PRR14L: variants seen among roughly 807,000 people sequenced by gnomAD.
PRR14L encodes the protein proline rich 14 like, also known as protein PRR14L.
A neutral mutation model predicts 155.0 loss-of-function variants in PRR14L; 80 were observed. The ratio of observed to expected loss-of-function variants is 0.52; its 90% CI spans 0.43 to 0.62. The LOEUF is 0.62. Among genes scored for constraint, PRR14L ranks in the 20% least tolerant of loss-of-function variants. The pLI is 0.00. For missense variants in PRR14L, 2,469 were observed against 2,548.0 expected (o/e 0.97, Z 0.67); for synonymous variants, 883 against 916.0 (o/e 0.96, Z 0.65).
chr22:31,738,268 A>T (rs2074793258), intron 2 of PRR14L, 119 bp downstream of exon 2: 1 of 874,164 alleles, frequency 1.1e-6, no homozygotes, highest in South Asian at 1.8e-5. Flanking sequence ...TAACTTCAAA[A>T]TCGACATTTC....
At chr22:31,695,480 C>T (rs1170316412) in intron 7 of PRR14L, among the ~76,000 whole-genome samples, 1 of 152,154 alleles carries the variant, frequency 6.6e-6, no homozygotes, top group Non-Finnish European at 1.5e-5. Context: ...CATGTAGTCC[C>T]TCAGTGACTT....
chr22:31,693,971 C>T (rs147211832), intron 7 of PRR14L, among the ~76,000 whole-genome samples: 2 of 152,238 alleles, frequency 1.3e-5, no homozygotes, highest in African/African-American at 4.8e-5. Flanking sequence ...ACTTGTATTT[C>T]TTTAACATAT....
At position 31,738,886 on chromosome 22, in the gene PRR14L, A is replaced by C; in HGVS notation, c.-26T>G. On this transcript the variant is annotated 5_prime_UTR_variant, in exon 2 of 9. Coordinates refer to ENST00000327423, the MANE Select transcript of PRR14L (RefSeq NM_173566.3). ...TAGGACAGATGCAGATTATGGAGTCAAGTCTTTTACATCAAATGATTCACC... is the reference window on the plus strand; with the variant it reads ...TAGGACAGATGCAGATTATGGAGTCCAGTCTTTTACATCAAATGATTCACC... The C allele has an allele frequency of 2.1e-6, 3 of 1,421,970 alleles. No individual in the cohort carries two copies. Among genetic ancestry groups the C allele is most frequent in the Non-Finnish European group, 2.9e-6 (3 of 1,050,530 alleles). The allele number at this position is 1,421,970 out of a possible 1,614,324, so 88.1% of individuals were successfully genotyped here.
intron 4 of PRR14L, among the ~76,000 whole-genome samples, chr22:31,709,710 T>G (rs564563409): frequency 1.5e-4 from 22 of 150,252 alleles, no homozygotes; most frequent in African/African-American, 4.7e-4. Context: ...CCAGCTAATT[T>G]TTGTATTTTT....
intron 5 of PRR14L, among the ~76,000 whole-genome samples, chr22:31,703,955 G>A (rs1056083075): frequency 2.0e-5 from 3 of 151,974 alleles, no homozygotes; most frequent in Non-Finnish European, 4.4e-5. Flanking sequence ...GCGCCACCAC[G>A]CCCAGCTAAT....
chr22:31,685,450 C>CAAAAA lies in PRR14L; in HGVS notation c.*72_*76dup. ...TTAGGCAACCTTTTCCAAGGAGGTC[C>CAAAAA]AAAAAAAAAAAAAAAACCCAAAAAC... is the stretch of plus-strand genomic sequence containing the variant. On this transcript the variant is annotated 3_prime_UTR_variant, in exon 9 of 9. Coordinates refer to ENST00000327423, the MANE Select transcript of PRR14L (RefSeq NM_173566.3). 2 of 1,105,838 alleles carry CAAAAA rather than the reference C, an allele frequency of 1.8e-6. No homozygotes were observed. The highest frequency in any genetic ancestry group is 2.5e-6 in the Non-Finnish European group (2 of 816,324). The allele number at this position is 1,105,838 out of a possible 1,614,324, so 68.5% of individuals were successfully genotyped here.
intron 1 of PRR14L, among the ~76,000 whole-genome samples, chr22:31,739,749 A>C (rs1433676682): frequency 6.6e-6 from 1 of 152,170 alleles, no homozygotes. Context: ...CTGTGTTCGT[A>C]ATGTTTCATT....
At chr22:31,734,080 C>A (rs1207578475) in intron 2 of PRR14L, among the ~76,000 whole-genome samples, 1 of 152,166 alleles carries the variant, frequency 6.6e-6, no homozygotes, top group Non-Finnish European at 1.5e-5. Flanking sequence ...TCAAGCAATT[C>A]TCCTGCCTCA....
Position 31,683,555 on chromosome 22 carries a change from T to C in PRR14L, c.*1972A>G, listed in dbSNP as rs1325042930. Reference sequence around the variant, plus strand: ...CAGTCTGGGCAAAGTGGATGTAGAATGACAGAATCTGGTTAGCATCATTCA... The same window carrying C: ...CAGTCTGGGCAAAGTGGATGTAGAACGACAGAATCTGGTTAGCATCATTCA... On this transcript the variant is annotated 3_prime_UTR_variant, in exon 9 of 9. Coordinates refer to ENST00000327423, the MANE Select transcript of PRR14L (RefSeq NM_173566.3). The C allele has an allele frequency of 8.5e-5, 13 of 152,284 alleles. No individual in the cohort carries two copies. The highest frequency in any genetic ancestry group is 1.8e-4 in the Non-Finnish European group (12 of 68,094). The allele number at this position is 152,284 out of a possible 1,614,324, so 9.4% of individuals were successfully genotyped here. A position where few individuals can be genotyped will look rare whatever the true frequency, so the allele number is the denominator to read the frequency against.
At position 31,682,520 on chromosome 22, in the gene PRR14L, A is replaced by C. The variant is rs1469496848; in HGVS notation, c.*3007T>G. The C allele has an allele frequency of 6.6e-6, 1 of 151,868 alleles. No homozygotes were observed. Among genetic ancestry groups the C allele is most frequent in the Non-Finnish European group, 1.5e-5 (1 of 68,024 alleles). The allele number at this position is 151,868 out of a possible 1,614,324, so 9.4% of individuals were successfully genotyped here. The stretch of plus-strand genomic sequence containing the variant: ...AACTCATGGAGACATGAAGCTGGAA[A>C]GGAGACCAAAAGCAAAAAAAGAGGA... On this transcript the variant is annotated 3_prime_UTR_variant, in exon 9 of 9. Coordinates refer to ENST00000327423, the MANE Select transcript of PRR14L (RefSeq NM_173566.3).
Position 31,713,234 on chromosome 22 carries a change from G to A in PRR14L, c.4605C>T (p.Ile1535=). 1 of 1,551,996 alleles carries A rather than the reference G, an allele frequency of 6.4e-7. No individual in the cohort carries two copies. The highest frequency in any genetic ancestry group is 8.7e-7 in the Non-Finnish European group (1 of 1,147,060). ...TTTTACCTATTTTTCTCCCAACAAT[G>A]ATTTGCTCCTGATAGGAAACTTTCT... ...TCKKVSYQEQ[I]IVGRKIGKIR... Residue 1535 remains isoleucine (I), a synonymous_variant, in exon 4 of 9, where the codon ATC becomes ATT. Coordinates refer to ENST00000327423, the MANE Select transcript of PRR14L (RefSeq NM_173566.3).
intron 7 of PRR14L, among the ~76,000 whole-genome samples, chr22:31,697,400 G>A (rs528266767): frequency 1.3e-5 from 2 of 151,460 alleles, no homozygotes; most frequent in East Asian, 1.9e-4. Flanking sequence ...ACTTTGCCTC[G>A]TTCACCTTGA....
At chr22:31,688,445 T>G (rs1390453593) in intron 7 of PRR14L, among the ~76,000 whole-genome samples, 1 of 152,014 alleles carries the variant, frequency 6.6e-6, no homozygotes, top group Non-Finnish European at 1.5e-5. Flanking sequence ...AAATTAGGCA[T>G]GAGCTACTGT....
At chr22:31,725,231 C>A (rs2074710126) in intron 3 of PRR14L, among the ~76,000 whole-genome samples, 2 of 151,804 alleles carry the variant, frequency 1.3e-5, no homozygotes, top group Non-Finnish European at 2.9e-5. Flanking sequence ...CTTGCCTCTA[C>A]AAAATACAAA....
At position 31,712,475 on chromosome 22, in the gene PRR14L, G is replaced by A. The variant is rs1372836459; in HGVS notation, c.5364C>T (p.Thr1788=). The A allele has an allele frequency of 6.4e-6, 10 of 1,552,982 alleles. No homozygotes were observed. Among genetic ancestry groups the A allele is most frequent in the Non-Finnish European group, 8.7e-6 (10 of 1,147,554 alleles). Residue 1788 remains threonine, a synonymous_variant, in exon 4 of 9, where the codon ACC becomes ACT. Transcript: ENST00000327423. ...GAGGCTGGGGAGGAGCCTGAGTGTGGGTCTGACTATGGACGCCAGTGTCTT... is the reference window on the plus strand; with the variant it reads ...GAGGCTGGGGAGGAGCCTGAGTGTGAGTCTGACTATGGACGCCAGTGTCTT... ...FREDTGVHSQ[T]HTQAPPQPPA... is the part of the protein sequence containing the mutation.
At chr22:31,699,182 G>C (rs575331744) in intron 7 of PRR14L, among the ~76,000 whole-genome samples, 4 of 151,958 alleles carry the variant, frequency 2.6e-5, no homozygotes, top group Non-Finnish European at 5.9e-5. Context: ...GATTACAGGC[G>C]TGTGCCACTA....
chr22:31,711,746 T>A (rs1270070805), intron 4 of PRR14L, among the ~76,000 whole-genome samples: 1 of 124,522 alleles, frequency 8.0e-6, no homozygotes, highest in Non-Finnish European at 1.6e-5. Context: ...ATTGCACCAC[T>A]GCACTCCAGC....
chr22:31,727,642 T>C (rs1345768904), intron 2 of PRR14L, among the ~76,000 whole-genome samples: 1 of 152,176 alleles, frequency 6.6e-6, no homozygotes, highest in African/African-American at 2.4e-5. Context: ...ACAGGAAGGC[T>C]GGAGACTCTA....
At chr22:31,709,452 C>CA (rs2147861044) in intron 4 of PRR14L, among the ~76,000 whole-genome samples, 1 of 142,838 alleles carries the variant, frequency 7.0e-6, no homozygotes, top group East Asian at 2.2e-4. Context: ...GAGAGGGCTT[C>CA]ACCACGTCGG....
Sources: allele counts gnomAD v4.1 joint callset (sites outside exome capture counted in the v4.1 genomes callset), GRCh38; gene constraint gnomAD v4.1.1; transcripts MANE v1.5; gene names NCBI Gene and HGNC (gene_info 2026-07-23, HGNC 2026-07-21).